CLDN18: variants seen among roughly 807,000 people sequenced by gnomAD.
CLDN18 encodes the protein claudin-18.
In CLDN18, 20 loss-of-function variants were observed where a neutral mutation model predicts 25.0. That is an observed-to-expected ratio of 0.80 (90% CI 0.56 to 1.16). The LOEUF (loss-of-function observed/expected upper bound fraction) is 1.16, where lower values mean the gene tolerates loss of function less well. CLDN18 is among the 50% of genes most tolerant of loss of function. The pLI is 0.00. For synonymous variants in CLDN18, 125 were observed against 135.6 expected, an observed-to-expected ratio of 0.92 and a Z score of 0.54; for missense variants, 297 against 345.4, an observed-to-expected ratio of 0.86 and a Z score of 1.11.
chr3:138,021,972 TAATAAC>T (rs1942275257), intron 1 of CLDN18, among the ~76,000 whole-genome samples: 1 of 152,116 alleles, frequency 6.6e-6, no homozygotes, highest in Non-Finnish European at 1.5e-5. Flanking sequence ...AAAATAATAA[TAATAAC>T]AATGGTGCTG....
intron 1 of CLDN18, among the ~76,000 whole-genome samples, chr3:138,021,739 A>G (rs1161079099): frequency 1.3e-5 from 2 of 152,200 alleles, no homozygotes; most frequent in African/African-American, 4.8e-5. Flanking sequence ...ATGTCTTTGC[A>G]GCCATAAGAC....
At chr3:138,008,354 G>A (rs1475021892), upstream of CLDN18, among the ~76,000 whole-genome samples, 2 of 151,952 alleles carry the variant, frequency 1.3e-5, no homozygotes, top group African/African-American at 4.8e-5. Context: ...CTGCAATCCT[G>A]GCACTTTGGG....
intron 1 of CLDN18, among the ~76,000 whole-genome samples, chr3:138,018,379 C>T (rs1252393821): frequency 6.7e-6 from 1 of 148,530 alleles, no homozygotes; most frequent in Non-Finnish European, 1.5e-5. Context: ...CTCTGTCGCC[C>T]AGGCTGGAGT....
chr3:138,028,223 C>T (rs900131420), intron 3 of CLDN18, among the ~76,000 whole-genome samples: 1 of 152,140 alleles, frequency 6.6e-6, no homozygotes, highest in African/African-American at 2.4e-5. Context: ...TGCCACCACA[C>T]CTGGCTAATT....
At chr3:138,029,992 C>T (rs1942368486) in intron 4 of CLDN18, 85 bp downstream of exon 4, 6 of 814,960 alleles carry the variant, frequency 7.4e-6, no homozygotes, top group Non-Finnish European at 1.2e-5. Context: ...AAAAAAAAAT[C>T]AGTCTAGGTA....
chr3:137,999,300 C>G (rs1294280094), intron 1 of CLDN18, among the ~76,000 whole-genome samples: 1 of 152,118 alleles, frequency 6.6e-6, no homozygotes, highest in East Asian at 1.9e-4. Context: ...CTCCTGTTCC[C>G]CTAACTGGAT....
chr3:138,004,765 TTAAA>T (rs1439728163), intron 1 of CLDN18: 1 of 150,900 alleles, frequency 6.6e-6, no homozygotes, highest in African/African-American at 2.4e-5. Context: ...CCTAGATTAA[TTAAA>T]TATTTAAAAA....
chr3:138,017,298 C>T (rs1272500326), intron 1 of CLDN18, among the ~76,000 whole-genome samples: 1 of 152,156 alleles, frequency 6.6e-6, no homozygotes, highest in Non-Finnish European at 1.5e-5. Flanking sequence ...TTCTGAGCAC[C>T]TCACTATATC....
chr3:138,029,831 G>A lies in CLDN18; in HGVS notation c.538G>A (p.Val180Ile). The A allele has an allele frequency of 6.3e-7, 1 of 1,591,750 alleles. No homozygotes were observed. The highest frequency in any genetic ancestry group is 1.8e-5 in the Admixed American group (1 of 55,932). Residue 180 changes from valine to isoleucine, a missense_variant, in exon 4 of 5, where the codon GTC becomes ATC. Val to Ile is a conservative substitution (Grantham distance 29). Coordinates refer to ENST00000183605, the MANE Select transcript of CLDN18 (RefSeq NM_016369.4). ...TGGTGCGGCTCTGTTCGTGGGCTGGGTCGCTGGAGGCCTCACACTAATTGG... is the reference window on the plus strand; with the variant it reads ...TGGTGCGGCTCTGTTCGTGGGCTGGATCGCTGGAGGCCTCACACTAATTGG... ...TFGAALFVGW[V>I]AGGLTLIGGV... is the part of the protein sequence containing the mutation.
chr3:138,020,767 C>T (rs1942260237), intron 1 of CLDN18, among the ~76,000 whole-genome samples: 1 of 152,298 alleles, frequency 6.6e-6, no homozygotes, highest in South Asian at 2.1e-4. Flanking sequence ...TGTTTTCTTC[C>T]ACATTCTTAG....
At chr3:138,005,206 T>C (rs1942056843), upstream of CLDN18, 1 of 152,150 alleles carries the variant, frequency 6.6e-6, no homozygotes, top group South Asian at 2.1e-4. Context: ...TTGTTGGGTT[T>C]TTTGTTTTTT....
At chr3:138,019,454 C>T (rs1222021903) in intron 1 of CLDN18, among the ~76,000 whole-genome samples, 1 of 152,172 alleles carries the variant, frequency 6.6e-6, no homozygotes, top group Non-Finnish European at 1.5e-5. Flanking sequence ...GGTATGGCTC[C>T]TCCCATCCGC....
chr3:138,008,696 TA>T (rs1942095575), upstream of CLDN18, among the ~76,000 whole-genome samples: 1 of 152,018 alleles, frequency 6.6e-6, no homozygotes, highest in South Asian at 2.1e-4. Context: ...GAAGCCAAGA[TA>T]AGCAGATCAC....
At chr3:138,022,144 C>T (rs1942278077) in intron 1 of CLDN18, among the ~76,000 whole-genome samples, 1 of 152,090 alleles carries the variant, frequency 6.6e-6, no homozygotes, top group African/African-American at 2.4e-5. Flanking sequence ...CCACGGACTC[C>T]CAAGGACAGC....
intron 1 of CLDN18, among the ~76,000 whole-genome samples, chr3:138,019,037 T>A (rs1347552034): frequency 2.6e-5 from 4 of 152,224 alleles, no homozygotes; most frequent in Non-Finnish European, 4.4e-5. Flanking sequence ...TTAGTACAAG[T>A]CAAAGCTTTG....
At chr3:138,011,456 ATTAT>A (rs1427239260) in intron 1 of CLDN18, among the ~76,000 whole-genome samples, 1 of 152,186 alleles carries the variant, frequency 6.6e-6, no homozygotes, top group Non-Finnish European at 1.5e-5. Flanking sequence ...GAAGAATTTG[ATTAT>A]TTATTCCATT....
At chr3:138,028,274 A>G (rs1034398052) in intron 3 of CLDN18, among the ~76,000 whole-genome samples, 20 of 152,194 alleles carry the variant, frequency 1.3e-4, no homozygotes, top group Non-Finnish European at 2.8e-4. Flanking sequence ...CATGCTGGCC[A>G]GGCTGGTCTC....
chr3:138,030,919 G>A (rs747803032), intron 4 of CLDN18, 51 bp from the exon 5 acceptor site: 2 of 1,517,934 alleles, frequency 1.3e-6, no homozygotes, highest in South Asian at 2.4e-5. Context: ...TAGGAGGTTG[G>A]TCCTACTAAC....
rs964701497 is a variant in CLDN18 at position 138,031,143 on chromosome 3, G to A, written c.*2G>A. On this transcript the variant is annotated 3_prime_UTR_variant, in exon 5 of 5. Coordinates refer to ENST00000183605, the MANE Select transcript of CLDN18 (RefSeq NM_016369.4). ...CCTTCCAAGCACGACTATGTGTAATGCTCTAAGACCTCTCAGCACGGGCGG... is the reference window on the plus strand; with the variant it reads ...CCTTCCAAGCACGACTATGTGTAATACTCTAAGACCTCTCAGCACGGGCGG... 1 of 1,599,384 alleles carries A rather than the reference G, an allele frequency of 6.3e-7. No homozygotes were observed. The highest frequency in any genetic ancestry group is 1.3e-5 in the African/African-American group (1 of 74,590).
Sources: allele counts gnomAD v4.1 joint callset (sites outside exome capture counted in the v4.1 genomes callset), GRCh38; gene constraint gnomAD v4.1.1; transcripts MANE v1.5; gene names NCBI Gene and HGNC (gene_info 2026-07-23, HGNC 2026-07-21).